CPNE4: variants seen among roughly 807,000 people sequenced by gnomAD.
CPNE4 encodes copine-4.
Under a neutral mutation model 67.9 loss-of-function variants are expected in CPNE4, and 25 were observed. The ratio of observed to expected loss-of-function variants is 0.37; its 90% CI spans 0.27 to 0.51. CPNE4 has a LOEUF of 0.51. CPNE4 is among the 20% of genes least tolerant of loss of function. The pLI is 0.93. For synonymous variants in CPNE4, 242 were observed against 244.9 expected (o/e 0.99, Z 0.11); for missense variants, 464 against 690.8 (o/e 0.67, Z 3.68).
chr3:131,695,883 TC>T (rs1157419853), intron 5 of CPNE4, among the ~76,000 whole-genome samples: 1 of 152,234 alleles, frequency 6.6e-6, no homozygotes, highest in Non-Finnish European at 1.5e-5. Context: ...CTTATCACAT[TC>T]TATTGTGGAT....
chr3:131,734,428 C>T (rs554892761), intron 2 of CPNE4, among the ~76,000 whole-genome samples: 2 of 152,276 alleles, frequency 1.3e-5, no homozygotes, highest in South Asian at 4.1e-4. Flanking sequence ...GGGAACATAT[C>T]TGAAGCTGTC....
chr3:131,878,323 G>T (rs1175342896), intron 2 of CPNE4, among the ~76,000 whole-genome samples: 1 of 152,150 alleles, frequency 6.6e-6, no homozygotes, highest in Non-Finnish European at 1.5e-5. Flanking sequence ...GCAATGCCAT[G>T]AATCTCGCAA....
At chr3:131,867,130 T>G (rs1022671493) in intron 2 of CPNE4, among the ~76,000 whole-genome samples, 1 of 152,230 alleles carries the variant, frequency 6.6e-6, no homozygotes, top group South Asian at 2.1e-4. Context: ...AAAAGTTTGT[T>G]GCCAGTGTTC....
chr3:131,700,168 T>C (rs1014216188), intron 3 of CPNE4, among the ~76,000 whole-genome samples, 188 bp from the exon 4 acceptor site: 1 of 151,820 alleles, frequency 6.6e-6, no homozygotes, highest in Non-Finnish European at 1.5e-5. Context: ...TTTCTCTTTC[T>C]TCTTATGGTG....
chr3:131,811,559 A>C (rs1057143545), intron 2 of CPNE4, among the ~76,000 whole-genome samples: 2 of 152,142 alleles, frequency 1.3e-5, no homozygotes, highest in African/African-American at 2.4e-5. Context: ...AGTACCTTCC[A>C]TGGGAGTTCA....
intron 2 of CPNE4, among the ~76,000 whole-genome samples, chr3:131,821,143 CATTTT>C (rs371014191): frequency 1.3e-5 from 2 of 152,298 alleles, no homozygotes; most frequent in African/African-American, 4.8e-5. Flanking sequence ...GAGCCCGTTT[CATTTT>C]AAGAATTCTC....
At chr3:131,768,996 C>A (rs1007588226) in intron 2 of CPNE4, among the ~76,000 whole-genome samples, 1 of 152,174 alleles carries the variant, frequency 6.6e-6, no homozygotes, top group African/African-American at 2.4e-5. Context: ...CCACATCTGG[C>A]ACGAGGATGT....
At chr3:131,859,294 G>A (rs1244599133) in intron 2 of CPNE4, among the ~76,000 whole-genome samples, 1 of 152,022 alleles carries the variant, frequency 6.6e-6, no homozygotes, top group African/African-American at 2.4e-5. Context: ...CCCCAAGATA[G>A]CCAGCCACAA....
intron 5 of CPNE4, among the ~76,000 whole-genome samples, chr3:131,694,807 GCTGAGTACCA>G (rs2081112945): frequency 6.6e-6 from 1 of 152,144 alleles, no homozygotes; most frequent in Admixed American, 6.6e-5. Flanking sequence ...TCATCCACAA[GCTGAGTACCA>G]CTGAGTGATT....
At chr3:131,919,591 A>G (rs757880137) in intron 1 of CPNE4, among the ~76,000 whole-genome samples, 22 of 152,186 alleles carry the variant, frequency 1.4e-4, no homozygotes, top group Non-Finnish European at 2.2e-4. Context: ...AATAAACTAC[A>G]TCTTGATTTA....
At chr3:131,565,988 GA>G (rs1937037859) in intron 10 of CPNE4, among the ~76,000 whole-genome samples, 1 of 151,942 alleles carries the variant, frequency 6.6e-6, no homozygotes, top group Non-Finnish European at 1.5e-5. Context: ...TTATATGCAT[GA>G]TATTACTCCA....
chr3:132,013,105 C>A (rs1226186397), intron 1 of CPNE4, among the ~76,000 whole-genome samples: 1 of 152,124 alleles, frequency 6.6e-6, no homozygotes. Context: ...CGCCTGTAAT[C>A]CCAGCTACTC....
chr3:131,822,333 C>T (rs186586346), intron 2 of CPNE4, among the ~76,000 whole-genome samples: 10 of 152,262 alleles, frequency 6.6e-5, no homozygotes, highest in Non-Finnish European at 2.9e-5. Context: ...CTCAGTTTCC[C>T]TTATTCTCAG....
At chr3:131,700,993 G>T (rs2081285483) in intron 3 of CPNE4, among the ~76,000 whole-genome samples, 1 of 150,644 alleles carries the variant, frequency 6.6e-6, no homozygotes, top group Non-Finnish European at 1.5e-5. Flanking sequence ...CTATCGCAAG[G>T]ACAAAAAACC....
At chr3:131,830,546 T>A (rs543474245) in intron 2 of CPNE4, among the ~76,000 whole-genome samples, 50 of 152,254 alleles carry the variant, frequency 3.3e-4, no homozygotes, top group Non-Finnish European at 6.6e-4. Context: ...CTCTACCTAC[T>A]CTTACTGGCG....
In CPNE4 at chr3:131,754,213, A is replaced by G. The variant is rs369113232; in HGVS notation, c.181-30588T>C. Reference sequence around the variant, plus strand: ...GCACTGTGTTTCCATCATATAAATCAATGACCAGTGTCCATATTATTTTGT... The same window carrying G: ...GCACTGTGTTTCCATCATATAAATCGATGACCAGTGTCCATATTATTTTGT... On this transcript the variant is annotated intron_variant, in intron 2 of 15. Transcript: ENST00000429747. Among the ~76,000 whole-genome samples the G allele has an allele frequency of 4.5e-4, 68 of 152,310 alleles. 1 individual carries two copies. In the East Asian group the frequency reaches 0.011, roughly 25 times the overall value.
rs370776271 is a variant in CPNE4, at chr3:131,542,659, G to A, written c.1437C>T (p.Asp479=). Residue 479 remains aspartate, a synonymous_variant, in exon 15 of 16, where the codon GAC becomes GAT. Coordinates refer to ENST00000429747, the MANE Select transcript of CPNE4 (RefSeq NM_130808.3). ...IVGVGNADFS[D]MQMLDGDDGI... is the part of the protein sequence containing the mutation. The stretch of plus-strand genomic sequence containing the variant: ...CATCATCACCGTCCAGCATCTGCAT[G>A]TCACTGAAGTCAGCGTTCCCTACTC... 4 of 1,614,092 alleles carry A rather than the reference G, an allele frequency of 2.5e-6. No homozygotes were observed. The highest frequency in any genetic ancestry group is 3.4e-6 in the Non-Finnish European group (4 of 1,179,970).
upstream of CPNE4, chr3:132,039,493 T>G (rs1371153113): frequency 6.6e-6 from 1 of 152,248 alleles, no homozygotes; most frequent in Admixed American, 6.5e-5. Flanking sequence ...AGCTAAATAT[T>G]ATTTCTAACT....
At chr3:131,678,067 G>T (rs1380516281) in intron 6 of CPNE4, among the ~76,000 whole-genome samples, 2 of 152,154 alleles carry the variant, frequency 1.3e-5, no homozygotes, top group African/African-American at 4.8e-5. Context: ...GCATGAGCAT[G>T]GAATAATTTG....
Sources: gnomAD v4.1 joint callset for allele counts (sites outside exome capture counted in the v4.1 genomes callset) on GRCh38, gnomAD v4.1.1 for gene constraint, MANE v1.5 for transcripts, NCBI Gene and HGNC (gene_info 2026-07-23, HGNC 2026-07-21) for gene names.